Variants in ABCC9 observed in about 807,000 individuals in gnomAD.
ABCC9 encodes the protein ATP-binding cassette sub-family C member 9.
A neutral mutation model predicts 188.3 loss-of-function variants in ABCC9; 95 were observed. The ratio of observed to expected loss-of-function variants is 0.50; its 90% CI spans 0.43 to 0.60. The LOEUF (loss-of-function observed/expected upper bound fraction) is 0.60. Among genes scored for constraint, ABCC9 ranks in the 20% least tolerant of loss-of-function variants. The pLI, the probability that ABCC9 is intolerant of heterozygous loss-of-function variation, is 0.00. For synonymous variants in ABCC9, 659 were observed against 652.7 expected (o/e 1.01, Z -0.15); for missense variants, 1,102 against 1,876.3 (o/e 0.59, Z 7.62).
chr12:21,837,154 C>A (rs2137331535), intron 30 of ABCC9, among the ~76,000 whole-genome samples: 1 of 152,218 alleles, frequency 6.6e-6, no homozygotes, highest in Non-Finnish European at 1.5e-5. Flanking sequence ...ATATAAATTT[C>A]ATGTTAATAT....
At chr12:21,873,915 C>T (rs1333166502) in intron 17 of ABCC9, among the ~76,000 whole-genome samples, 1 of 151,936 alleles carries the variant, frequency 6.6e-6, no homozygotes, top group Non-Finnish European at 1.5e-5. Context: ...TATAAAAATC[C>T]TTAAAGAAAG....
chr12:21,864,927 A>C (rs1055018961), intron 18 of ABCC9, among the ~76,000 whole-genome samples: 31 of 152,252 alleles, frequency 2.0e-4, no homozygotes, highest in African/African-American at 7.2e-4. Context: ...TTTGGGCACT[A>C]AACACGAAAG....
chr12:21,841,419 C>T (rs1300447398), intron 29 of ABCC9, among the ~76,000 whole-genome samples: 3 of 125,782 alleles, frequency 2.4e-5, no homozygotes, highest in Non-Finnish European at 4.7e-5. Flanking sequence ...AGTGCAGTGG[C>T]GTGATCTCAG....
intron 19 of ABCC9, 88 bp from the exon 20 acceptor site, chr12:21,863,142 A>C: frequency 1.1e-6 from 1 of 874,436 alleles, no homozygotes; most frequent in Non-Finnish European, 1.8e-6. Flanking sequence ...GGGGAAATAA[A>C]ATTAGTAAAC....
At chr12:21,934,702 TTTGTC>T (rs1289091174) in intron 3 of ABCC9, among the ~76,000 whole-genome samples, 1 of 151,556 alleles carries the variant, frequency 6.6e-6, no homozygotes, top group Non-Finnish European at 1.5e-5. Flanking sequence ...AGGCCCCACT[TTTGTC>T]TTGTTTTGTT....
chr12:21,881,771 C>T (rs79757822), intron 16 of ABCC9, among the ~76,000 whole-genome samples: 5,993 of 151,850 alleles, frequency 0.039, 195 homozygotes, highest in African/African-American at 0.087. Context: ...AATGCATAGC[C>T]AAAGTCAAGA....
At chr12:21,852,074 T>A (rs1944998181) in intron 24 of ABCC9, 23 bp downstream of exon 24, 3 of 1,613,302 alleles carry the variant, frequency 1.9e-6, no homozygotes, top group Admixed American at 1.7e-5. Flanking sequence ...GGCTCTGAAC[T>A]CTTCTGAACT....
At chr12:21,809,821 A>AT in intron 37 of ABCC9, 31 bp downstream of exon 37, 1 of 1,361,824 alleles carries the variant, frequency 7.3e-7, no homozygotes, top group Non-Finnish European at 1.0e-6. Context: ...TGGCATATAT[A>AT]AAAAATAAAT....
chr12:21,811,201 C>A (rs575761504), intron 36 of ABCC9, among the ~76,000 whole-genome samples: 3 of 152,094 alleles, frequency 2.0e-5, no homozygotes, highest in Non-Finnish European at 4.4e-5. Context: ...TTTCCTGGCA[C>A]CATGAGAAGA....
intron 30 of ABCC9, among the ~76,000 whole-genome samples, chr12:21,834,583 A>C (rs180987437): frequency 6.6e-6 from 1 of 152,164 alleles, no homozygotes; most frequent in East Asian, 1.9e-4. Context: ...AATGGCCTCT[A>C]GGGAGGCGAA....
intron 12 of ABCC9, among the ~76,000 whole-genome samples, chr12:21,904,610 TG>T (rs1186756212): frequency 6.6e-6 from 1 of 152,016 alleles, no homozygotes; most frequent in Non-Finnish European, 1.5e-5. Flanking sequence ...CATCAAAAAG[TG>T]GGCAAAGGGT....
chr12:21,907,764 C>T (rs1948112172), intron 11 of ABCC9, among the ~76,000 whole-genome samples: 1 of 151,952 alleles, frequency 6.6e-6, no homozygotes, highest in Non-Finnish European at 1.5e-5. Flanking sequence ...CGTTCACTAG[C>T]CTCAAAGTAC....
intron 4 of ABCC9, among the ~76,000 whole-genome samples, chr12:21,930,353 G>A (rs1949232768): frequency 6.6e-6 from 1 of 152,056 alleles, no homozygotes; most frequent in Non-Finnish European, 1.5e-5. Flanking sequence ...GTGTAACACT[G>A]CCCAAGTAGT....
At chr12:21,810,570 C>A (rs1942167778) in intron 36 of ABCC9, among the ~76,000 whole-genome samples, 1 of 151,910 alleles carries the variant, frequency 6.6e-6, no homozygotes, top group Non-Finnish European at 1.5e-5. Flanking sequence ...TGGGAAAAGC[C>A]CCTTATAAAA....
chr12:21,919,823 A>C (rs1032765853), intron 5 of ABCC9, among the ~76,000 whole-genome samples: 1 of 152,080 alleles, frequency 6.6e-6, no homozygotes, highest in African/African-American at 2.4e-5. Flanking sequence ...CAAGAAAATA[A>C]CTGATGAATA....
chr12:21,932,604 C>T (rs1592267047), intron 4 of ABCC9, among the ~76,000 whole-genome samples: 1 of 151,892 alleles, frequency 6.6e-6, no homozygotes, highest in East Asian at 1.9e-4. Flanking sequence ...AAAAAGTGGG[C>T]AAAGGACATG....
rs751619728 is a variant in ABCC9 at position 21,894,015 on chromosome 12, G to C, written c.1802+17C>G. 3 of 1,613,514 alleles carry C rather than the reference G, an allele frequency of 1.9e-6. No individual in the cohort carries two copies. The East Asian group carries it at 6.7e-5, about 36-fold the overall frequency. The stretch of plus-strand genomic sequence containing the variant: ...TATTATCAATAAGCAAAAAATGCCA[G>C]ACACTTCAGTGCATACCTTATGATG... On this transcript the variant is annotated intron_variant, in intron 14 of 39. Transcript: ENST00000261200.
chr12:21,888,011 T>C lies in ABCC9; in HGVS notation c.1803-77A>G, dbSNP rs1032897832. On this transcript the variant is annotated intron_variant, in intron 14 of 39. Coordinates refer to ENST00000261200, the MANE Select transcript of ABCC9 (RefSeq NM_020297.4). ...ACAAAGTGCTACCTAAATAACGACTTTAACACACAGTATTATGGTGAGTAG... is the reference window on the plus strand; with the variant it reads ...ACAAAGTGCTACCTAAATAACGACTCTAACACACAGTATTATGGTGAGTAG... 9 of 1,065,716 alleles carry C rather than the reference T, an allele frequency of 8.4e-6. No individual in the cohort carries two copies. The African/African-American group carries it at 1.4e-4, about 17-fold the overall frequency. The allele number at this position is 1,065,716 out of a possible 1,614,324, so 66.0% of individuals were successfully genotyped here.
chr12:21,907,128 G>A (rs946085583), intron 11 of ABCC9, among the ~76,000 whole-genome samples: 1 of 152,044 alleles, frequency 6.6e-6, no homozygotes, highest in East Asian at 1.9e-4. Context: ...CCTATCAAAT[G>A]ATTGTTCAAT....
Sources: allele counts gnomAD v4.1 joint callset (sites outside exome capture counted in the v4.1 genomes callset), GRCh38; gene constraint gnomAD v4.1.1; transcripts MANE v1.5; gene names NCBI Gene and HGNC (gene_info 2026-07-23, HGNC 2026-07-21).